The following ARHGAP42 variants were observed in gnomAD, a reference collection of about 807,000 sequenced individuals.
ARHGAP42 encodes Rho GTPase activating protein 42, also known as rho GTPase-activating protein 42.
ARHGAP42 carries 63 observed loss-of-function variants against 125.0 expected under a neutral mutation model. That is an observed-to-expected ratio of 0.50 (90% CI 0.41 to 0.62). ARHGAP42 has a LOEUF of 0.62. Ranked by LOEUF, ARHGAP42 falls within the 20% of genes least tolerant of loss-of-function variation. The pLI, the probability that ARHGAP42 is intolerant of heterozygous loss-of-function variation, is 0.00. For synonymous variants in ARHGAP42, 339 were observed against 351.0 expected (o/e 0.97, Z 0.38); for missense variants, 766 against 1,024.2 (o/e 0.75, Z 3.44).
intron 1 of ARHGAP42, among the ~76,000 whole-genome samples, chr11:100,699,217 A>T: frequency 6.6e-6 from 1 of 151,854 alleles, no homozygotes. Flanking sequence ...TCAATCTGTC[A>T]AAAAATAAGT....
At position 100,976,076 on chromosome 11, in the gene ARHGAP42, C is replaced by T; in HGVS notation, c.1875C>T (p.Ser625=). The T allele has an allele frequency of 6.5e-7, 1 of 1,536,222 alleles. No homozygotes were observed. The highest frequency in any genetic ancestry group is 1.2e-5 in the South Asian group (1 of 80,798). Residue 625 remains serine, a synonymous_variant, in exon 20 of 24, where the codon AGC becomes AGT. Coordinates refer to ENST00000298815, the MANE Select transcript of ARHGAP42 (RefSeq NM_152432.4). ...CCTTAGGTGACTCCTATAGCAGCAG[C>T]CCAGACAGCACACCTATGGGGAGCA... ...AEPDSDSYSS[S]PDSTPMGSIE... is the part of the protein sequence containing the mutation.
chr11:100,753,931 T>C (rs1217541839), intron 1 of ARHGAP42, among the ~76,000 whole-genome samples: 1 of 152,232 alleles, frequency 6.6e-6, no homozygotes, highest in Non-Finnish European at 1.5e-5. Context: ...TTTCTTCCCA[T>C]TTTCCTGTTA....
chr11:100,770,461 G>A, intron 2 of ARHGAP42, 23 bp downstream of exon 2: 8 of 1,438,836 alleles, frequency 5.6e-6, no homozygotes, highest in Non-Finnish European at 7.6e-6. Context: ...GTTTTAGAAA[G>A]TTCTATTACT....
At position 100,875,154 on chromosome 11, in the gene ARHGAP42, G is replaced by T. The variant is rs608388; in HGVS notation, c.384+15529G>T. 5.2e-3 allele frequency among the ~76,000 whole-genome samples: 571 copies of T among 110,712 alleles called. 6 individuals carry two copies. Among genetic ancestry groups the T allele is most frequent in the African/African-American group, 0.019 (550 of 28,688 alleles). The allele number at this position is 110,712 out of a possible 152,430, so 72.6% of individuals were successfully genotyped here. A position where few individuals can be genotyped will look rare whatever the true frequency, so the allele number is the denominator to read the frequency against. On this transcript the variant is annotated intron_variant, in intron 4 of 23. Coordinates refer to ENST00000298815, the MANE Select transcript of ARHGAP42 (RefSeq NM_152432.4). ...GTGTGTGTGTGTGTGTGTGTGTGTG[G>T]CTCATGAACTATGAATGGTTGTTAC... is the stretch of plus-strand genomic sequence containing the variant.
In ARHGAP42 at chr11:100,941,896, TTGTTTTC is replaced by T. The variant is rs1187565071; in HGVS notation, c.933+18_933+24del. On this transcript the variant is annotated intron_variant, in intron 9 of 23. Transcript: ENST00000298815. ...CCAGTGGGAAAATGGTGAGTTAGTT[TTGTTTTC>T]TGTTTGTTTTTTAAACTGTTCATTA... 2.7e-6 allele frequency: 4 copies of T among 1,494,656 alleles called. No individual in the cohort carries two copies. Among genetic ancestry groups the T allele is most frequent in the Non-Finnish European group, 3.6e-6 (4 of 1,110,562 alleles). The allele number at this position is 1,494,656 out of a possible 1,614,324, so 92.6% of individuals were successfully genotyped here.
chr11:100,936,347 C>A lies in ARHGAP42; in HGVS notation c.832+15C>A, dbSNP rs1310509853. 9 of 1,551,356 alleles carry A rather than the reference C, an allele frequency of 5.8e-6. No individual in the cohort carries two copies. Among genetic ancestry groups the A allele is most frequent in the African/African-American group, 1.4e-5 (1 of 73,146 alleles). On this transcript the variant is annotated intron_variant, in intron 8 of 23. Coordinates refer to ENST00000298815, the MANE Select transcript of ARHGAP42 (RefSeq NM_152432.4). ...CCAGGAGAAACGTGAGTCACAAAGA[C>A]ATAATTTCACGTCTCTTATGACTTA...
chr11:100,692,505 T>C (rs1861208340), intron 1 of ARHGAP42, among the ~76,000 whole-genome samples: 1 of 152,228 alleles, frequency 6.6e-6, no homozygotes, highest in Non-Finnish European at 1.5e-5. Flanking sequence ...TCTCACACTT[T>C]TCCCAGTTGC....
intron 3 of ARHGAP42, among the ~76,000 whole-genome samples, chr11:100,830,880 GAGA>G (rs1315737936): frequency 1.3e-5 from 2 of 152,116 alleles, no homozygotes; most frequent in African/African-American, 2.4e-5. Context: ...CAGAGCCAGA[GAGA>G]AGAAGGCAGA....
chr11:100,771,822 G>A (rs1029431938), intron 2 of ARHGAP42, among the ~76,000 whole-genome samples: 6 of 152,006 alleles, frequency 3.9e-5, no homozygotes, highest in Admixed American at 3.3e-4. Flanking sequence ...AGGTGGTCTT[G>A]AACTCCTGAC....
intron 3 of ARHGAP42, among the ~76,000 whole-genome samples, chr11:100,845,565 G>C (rs570635959): frequency 1.3e-5 from 2 of 152,010 alleles, no homozygotes; most frequent in Admixed American, 1.3e-4. Context: ...GAGAGGAGGC[G>C]GTGATGGTAA....
intron 3 of ARHGAP42, among the ~76,000 whole-genome samples, chr11:100,851,370 A>G (rs1865200774): frequency 6.6e-6 from 1 of 152,190 alleles, no homozygotes; most frequent in African/African-American, 2.4e-5. Context: ...AGTCACATAC[A>G]TGATATTGAT....
intron 3 of ARHGAP42, among the ~76,000 whole-genome samples, chr11:100,796,113 C>T (rs1863705232): frequency 2.0e-5 from 3 of 152,070 alleles, no homozygotes; most frequent in Non-Finnish European, 4.4e-5. Flanking sequence ...AGTCTGTTGG[C>T]ACCATTTTTC....
At chr11:100,784,422 A>T (rs1863385178) in intron 2 of ARHGAP42, among the ~76,000 whole-genome samples, 1 of 152,190 alleles carries the variant, frequency 6.6e-6, no homozygotes. Context: ...AAGCTGGGAA[A>T]CTAATGTAAT....
At chr11:100,910,973 C>G (rs914460181) in intron 4 of ARHGAP42, among the ~76,000 whole-genome samples, 1 of 152,016 alleles carries the variant, frequency 6.6e-6, no homozygotes, top group Non-Finnish European at 1.5e-5. Flanking sequence ...TTAACATTTC[C>G]AAAAATGTCA....
intron 22 of ARHGAP42, among the ~76,000 whole-genome samples, chr11:100,984,240 T>G (rs1858618056): frequency 6.6e-6 from 1 of 152,090 alleles, no homozygotes. Flanking sequence ...ATTTGTAAAC[T>G]TTTTGTCTTA....
intron 2 of ARHGAP42, among the ~76,000 whole-genome samples, chr11:100,791,849 A>G (rs1045903992): frequency 6.6e-6 from 1 of 152,216 alleles, no homozygotes; most frequent in Non-Finnish European, 1.5e-5. Context: ...CTATTATCTT[A>G]CTAAATCTAT....
intron 3 of ARHGAP42, among the ~76,000 whole-genome samples, chr11:100,800,237 A>G (rs1466772883): frequency 1.3e-5 from 2 of 152,170 alleles, no homozygotes; most frequent in African/African-American, 4.8e-5. Flanking sequence ...GAAAATGGGT[A>G]TTGGTTAAGT....
intron 1 of ARHGAP42, among the ~76,000 whole-genome samples, chr11:100,744,756 C>G (rs1274215124): frequency 1.3e-5 from 2 of 152,094 alleles, no homozygotes; most frequent in East Asian, 3.8e-4. Context: ...GCAATGTGCT[C>G]AGTGTGTGAG....
chr11:100,920,324 C>T (rs1473300244), intron 5 of ARHGAP42, among the ~76,000 whole-genome samples: 2 of 152,110 alleles, frequency 1.3e-5, no homozygotes, highest in Non-Finnish European at 2.9e-5. Flanking sequence ...GTTAGGTGCA[C>T]CTACTCCCTG....
Sources: allele counts gnomAD v4.1 joint callset (sites outside exome capture counted in the v4.1 genomes callset), GRCh38; gene constraint gnomAD v4.1.1; transcripts MANE v1.5; gene names NCBI Gene and HGNC (gene_info 2026-07-23, HGNC 2026-07-21).